PTPRD: variants seen among roughly 807,000 people sequenced by gnomAD.
PTPRD encodes the protein receptor-type tyrosine-protein phosphatase delta.
Under a neutral mutation model 214.5 loss-of-function variants are expected in PTPRD, and 34 were observed. The observed-to-expected ratio is 0.16, with a 90% CI of 0.12 to 0.21. The LOEUF is 0.21. PTPRD is among the 10% of genes least tolerant of loss of function. The pLI, the probability that PTPRD is intolerant of heterozygous loss-of-function variation, is 1.00. For missense variants in PTPRD, 2,545 were observed against 2,398.7 expected (o/e 1.06, Z -1.27); for synonymous variants, 1,128 against 845.7 (o/e 1.33, Z -5.79).
At chr9:10,443,611 A>G (rs2098776654) in intron 2 of PTPRD, among the ~76,000 whole-genome samples, 1 of 151,680 alleles carries the variant, frequency 6.6e-6, no homozygotes, top group Non-Finnish European at 1.5e-5. Context: ...GATGCCTCAT[A>G]GATTTTTTTT....
chr9:9,083,268 C>G (rs1046893941), intron 10 of PTPRD, among the ~76,000 whole-genome samples: 2 of 152,116 alleles, frequency 1.3e-5, no homozygotes, highest in African/African-American at 4.8e-5. Context: ...ACCATCTGAG[C>G]TTTGACAAAC....
intron 12 of PTPRD, among the ~76,000 whole-genome samples, chr9:8,697,494 C>T (rs976736910): frequency 7.4e-6 from 1 of 135,580 alleles, no homozygotes; most frequent in Non-Finnish European, 1.5e-5. Context: ...GTGATCTTGG[C>T]TCACTGCAAT....
intron 2 of PTPRD, among the ~76,000 whole-genome samples, chr9:10,411,713 T>C (rs1343970432): frequency 6.6e-6 from 1 of 151,822 alleles, no homozygotes; most frequent in Admixed American, 6.6e-5. Flanking sequence ...CTAATAATTC[T>C]TTAATATACC....
intron 3 of PTPRD, among the ~76,000 whole-genome samples, chr9:10,157,142 T>C (rs1564193635): frequency 6.6e-6 from 1 of 152,228 alleles, no homozygotes; most frequent in Non-Finnish European, 1.5e-5. Flanking sequence ...TCAAGTTTAG[T>C]ATTGATACAT....
chr9:8,619,068 A>G (rs1215695088), intron 14 of PTPRD, among the ~76,000 whole-genome samples: 1 of 151,150 alleles, frequency 6.6e-6, no homozygotes, highest in Admixed American at 6.6e-5. Flanking sequence ...CCATACATTT[A>G]TTTTTTAATT....
At chr9:9,773,461 C>A (rs2098770085) in intron 5 of PTPRD, among the ~76,000 whole-genome samples, 1 of 152,092 alleles carries the variant, frequency 6.6e-6, no homozygotes, top group Non-Finnish European at 1.5e-5. Context: ...TTAAAACTTC[C>A]CCTTTCTCAT....
chr9:10,408,179 A>C (rs2098395497), intron 2 of PTPRD, among the ~76,000 whole-genome samples: 1 of 151,372 alleles, frequency 6.6e-6, no homozygotes, highest in Non-Finnish European at 1.5e-5. Context: ...CAACCAACCT[A>C]AGGTTCTGGT....
chr9:8,741,120 G>C (rs1174307596), intron 11 of PTPRD, among the ~76,000 whole-genome samples: 1 of 151,986 alleles, frequency 6.6e-6, no homozygotes, highest in Non-Finnish European at 1.5e-5. Flanking sequence ...TATTTTCAAG[G>C]ATGGCAAAAT....
At chr9:8,900,172 C>T (rs2098655975) in intron 11 of PTPRD, among the ~76,000 whole-genome samples, 1 of 152,072 alleles carries the variant, frequency 6.6e-6, no homozygotes, top group Non-Finnish European at 1.5e-5. Context: ...AATGATATTT[C>T]ATAAAATAAT....
rs183002223 is a variant in PTPRD at position 10,283,613 on chromosome 9, A to T, written c.-545+57350T>A. On this transcript the variant is annotated intron_variant, in intron 3 of 45. Coordinates refer to ENST00000381196, the MANE Select transcript of PTPRD (RefSeq NM_002839.4). ...TCATCCAGACTCATTCAAGTCCAGT[A>T]ATCTATTCATCAGTAAACAGAGATC... 2.3e-3 allele frequency among the ~76,000 whole-genome samples: 346 copies of T among 152,288 alleles called. 3 individuals are homozygous for T. Among genetic ancestry groups the T allele is most frequent in the Non-Finnish European group, 3.7e-3 (250 of 68,008 alleles).
chr9:10,303,328 C>A (rs759033822), intron 3 of PTPRD, among the ~76,000 whole-genome samples: 2 of 152,034 alleles, frequency 1.3e-5, no homozygotes, highest in Admixed American at 6.6e-5. Context: ...AAATTCGATA[C>A]CCTAACATCA....
chr9:10,237,606 T>C (rs1244457445), intron 3 of PTPRD, among the ~76,000 whole-genome samples: 5 of 152,070 alleles, frequency 3.3e-5, no homozygotes, highest in Non-Finnish European at 7.4e-5. Context: ...AAATGTTTAA[T>C]TGCTTTAAGT....
At chr9:9,441,657 C>T (rs1474264010) in intron 8 of PTPRD, among the ~76,000 whole-genome samples, 1 of 152,096 alleles carries the variant, frequency 6.6e-6, no homozygotes, top group Non-Finnish European at 1.5e-5. Context: ...ACACTAAATT[C>T]TGAATCAATG....
chr9:9,443,907 T>G (rs572148086), intron 8 of PTPRD, among the ~76,000 whole-genome samples: 1 of 152,318 alleles, frequency 6.6e-6, no homozygotes, highest in Non-Finnish European at 1.5e-5. Context: ...GACTGAAACA[T>G]GCACTTATAT....
intron 2 of PTPRD, among the ~76,000 whole-genome samples, chr9:10,348,053 G>A (rs1394378355): frequency 3.9e-5 from 6 of 152,028 alleles, no homozygotes; most frequent in African/African-American, 7.2e-5. Flanking sequence ...GCAAGACTTC[G>A]TCTAAAAAAA....
At chr9:8,659,551 T>C (rs1372787709) in intron 12 of PTPRD, among the ~76,000 whole-genome samples, 1 of 152,248 alleles carries the variant, frequency 6.6e-6, no homozygotes, top group South Asian at 2.1e-4. Context: ...ACTTCTAACT[T>C]ATTTTACACC....
chr9:9,330,905 CT>C lies in PTPRD; in HGVS notation c.-203+66543del, dbSNP rs76927520. ...GGAGCATTTTTGGGGAAAAGAAGAG[CT>C]TTTTTTTTTTTTGAAATGATATCTT... On this transcript the variant is annotated intron_variant, in intron 9 of 45. Coordinates refer to ENST00000381196, the MANE Select transcript of PTPRD (RefSeq NM_002839.4). Among the ~76,000 whole-genome samples, 417 of 139,790 alleles carry C rather than the reference CT, an allele frequency of 3.0e-3. 2 individuals are homozygous for C. The highest frequency in any genetic ancestry group is 4.2e-3 in the East Asian group (20 of 4,796). The allele number at this position is 139,790 out of a possible 152,430, so 91.7% of individuals were successfully genotyped here.
At position 9,649,885 on chromosome 9, in the gene PTPRD, G is replaced by C. The variant is rs572422729; in HGVS notation, c.-286-75104C>G. ...TTCATTTTTCCTCATTTCTCAGAAAGTGAAATAAATATATTTGGAGCAATC... is the reference window on the plus strand; with the variant it reads ...TTCATTTTTCCTCATTTCTCAGAAACTGAAATAAATATATTTGGAGCAATC... On this transcript the variant is annotated intron_variant, in intron 7 of 45. Coordinates refer to ENST00000381196, the MANE Select transcript of PTPRD (RefSeq NM_002839.4). 1.9e-3 allele frequency among the ~76,000 whole-genome samples: 288 copies of C among 152,172 alleles called. 8 individuals carry two copies. The highest frequency in any genetic ancestry group is 6.8e-3 in the Middle Eastern group (2 of 294).
intron 11 of PTPRD, among the ~76,000 whole-genome samples, chr9:8,913,682 T>C (rs1051222243): frequency 6.6e-6 from 1 of 152,160 alleles, no homozygotes; most frequent in Non-Finnish European, 1.5e-5. Context: ...CCATTCCCCA[T>C]ACTTTCCCTT....
Sources: allele counts gnomAD v4.1 joint callset (sites outside exome capture counted in the v4.1 genomes callset), GRCh38; gene constraint gnomAD v4.1.1; transcripts MANE v1.5; gene names NCBI Gene and HGNC (gene_info 2026-07-23, HGNC 2026-07-21).